Variants in LIG1 observed in about 807,000 individuals in gnomAD.
The protein encoded by LIG1 is ligase I, DNA, ATP-dependent.
LIG1 carries 70 observed loss-of-function variants against 115.7 expected under a neutral mutation model. The observed-to-expected ratio is 0.60, with a 90% CI of 0.50 to 0.74. The LOEUF (loss-of-function observed/expected upper bound fraction) is 0.74. Ranked by LOEUF, LIG1 falls within the 30% of genes least tolerant of loss-of-function variation. The probability of loss-of-function intolerance (pLI) is 0.00; values close to 1 mark genes in which losing one functional copy is unlikely to be tolerated. For synonymous variants in LIG1, 487 were observed against 495.3 expected (o/e 0.98, Z 0.22); for missense variants, 1,115 against 1,225.6 (o/e 0.91, Z 1.35).
At chr19:48,159,353 A>T (rs2036040147) in intron 4 of LIG1, among the ~76,000 whole-genome samples, 1 of 137,834 alleles carries the variant, frequency 7.3e-6, no homozygotes, top group Non-Finnish European at 1.5e-5. Flanking sequence ...TACAGGCGTG[A>T]GCCATCATGC....
chr19:48,135,430 C>A (rs3729520), intron 16 of LIG1, among the ~76,000 whole-genome samples: 1 of 152,090 alleles, frequency 6.6e-6, no homozygotes, highest in South Asian at 2.1e-4. Flanking sequence ...CCGCTGCCAG[C>A]GTCTTTCTAT....
chr19:48,138,459 G>GCACA (rs1402717056), intron 12 of LIG1, among the ~76,000 whole-genome samples: 2 of 152,248 alleles, frequency 1.3e-5, no homozygotes, highest in Non-Finnish European at 1.5e-5. Context: ...GCGGCACAGA[G>GCACA]CACATGAAGG....
At chr19:48,149,076 G>A (rs946196881) in intron 9 of LIG1, among the ~76,000 whole-genome samples, 2 of 152,184 alleles carry the variant, frequency 1.3e-5, no homozygotes, top group African/African-American at 4.8e-5. Flanking sequence ...TTGGGAGGCC[G>A]AGGTGGGTGG....
intron 19 of LIG1, among the ~76,000 whole-genome samples, chr19:48,129,051 C>T (rs149742907): frequency 0.014 from 2,066 of 150,552 alleles, 40 homozygotes; most frequent in African/African-American, 0.048. Flanking sequence ...TGAGCCACCA[C>T]GCCTGGCCTC....
chr19:48,169,088 T>A (rs545399862), intron 1 of LIG1, among the ~76,000 whole-genome samples: 5 of 152,296 alleles, frequency 3.3e-5, no homozygotes, highest in Non-Finnish European at 7.4e-5. Flanking sequence ...TCCAGGGCAT[T>A]GTGCAGAGTA....
chr19:48,165,408 T>C (rs866806155), intron 2 of LIG1, 142 bp downstream of exon 2: 1 of 749,578 alleles, frequency 1.3e-6, no homozygotes. Flanking sequence ...TCATTTTCCA[T>C]ACTACTTGAC....
At chr19:48,145,179 A>C (rs562395934) in intron 9 of LIG1, among the ~76,000 whole-genome samples, 8 of 152,248 alleles carry the variant, frequency 5.3e-5, no homozygotes, top group African/African-American at 1.9e-4. Flanking sequence ...GATTATAGGC[A>C]TGAGCCACTG....
rs2032936598 is a variant in LIG1 at position 48,117,564 on chromosome 19, C to A, written c.2583+74G>T. 4 of 1,498,814 alleles carry A rather than the reference C, an allele frequency of 2.7e-6. No individual in the cohort carries two copies. In the South Asian group the frequency reaches 4.7e-5, roughly 18 times the overall value. The allele number at this position is 1,498,814 out of a possible 1,614,324, so 92.8% of individuals were successfully genotyped here. A position where few individuals can be genotyped will look rare whatever the true frequency, so the allele number is the denominator to read the frequency against. ...GGAAGAGCAGATGTGAGCCAAGGTC[C>A]CCTCCCTACTCTGCTCTCTGTGTGC... On this transcript the variant is annotated intron_variant, in intron 26 of 27. Coordinates refer to ENST00000263274, the MANE Select transcript of LIG1 (RefSeq NM_000234.3).
chr19:48,136,070 G>C lies in LIG1; in HGVS notation c.1387C>G (p.Leu463Val), dbSNP rs939735617. Residue 463 changes from leucine (L) to valine (V), a missense_variant, in exon 15 of 28, where the codon CTC (leucine) becomes GTC (valine). Coordinates refer to ENST00000263274, the MANE Select transcript of LIG1 (RefSeq NM_000234.3). ...GLAEQSVLAA[L>V]SQAVSLTPPG... The stretch of plus-strand genomic sequence containing the variant: ...GGCGTGAGGCTCACTGCCTGGGAGA[G>C]GGCAGCCAGCACCGACTGCTCTGCC... 1 of 1,572,378 alleles carries C rather than the reference G, an allele frequency of 6.4e-7. No homozygotes were observed. The highest frequency in any genetic ancestry group is 8.6e-7 in the Non-Finnish European group (1 of 1,159,360).
At chr19:48,127,153 C>A in intron 21 of LIG1, 124 bp downstream of exon 21, 1 of 802,752 alleles carries the variant, frequency 1.2e-6, no homozygotes, top group Non-Finnish European at 2.2e-6. Flanking sequence ...AACTGCTGCC[C>A]AAGTGTGGCT....
chr19:48,116,717 C>T (rs758702706), intron 26 of LIG1, among the ~76,000 whole-genome samples: 1 of 152,208 alleles, frequency 6.6e-6, no homozygotes, highest in Non-Finnish European at 1.5e-5. Flanking sequence ...ATGAGTGACA[C>T]GCTGATGACC....
chr19:48,132,912 TCA>T, intron 18 of LIG1, 68 bp downstream of exon 18: 1 of 1,129,946 alleles, frequency 8.8e-7, no homozygotes. Flanking sequence ...AGCTCAGGCC[TCA>T]GTGACCCCAC....
In LIG1 at chr19:48,127,975, C is replaced by T. The variant is rs754908493; in HGVS notation, c.1867G>A (p.Val623Met). 12 of 1,614,022 alleles carry T rather than the reference C, an allele frequency of 7.4e-6. No individual in the cohort carries two copies. Among genetic ancestry groups the T allele is most frequent in the African/African-American group, 2.7e-5 (2 of 74,898 alleles). Residue 623 changes from valine (V) to methionine (M), a missense_variant, in exon 20 of 28, where the codon GTG becomes ATG. Val to Met is a conservative substitution (Grantham distance 21). Transcript: ENST00000263274. ...VTSFILDTEA[V>M]AWDREKKQIQ... ...TGCTTCTTTTCCCGGTCCCAAGCCACGGCTTCGGTGTCCAGGATGAAGGAT... is the reference window on the plus strand; with the variant it reads ...TGCTTCTTTTCCCGGTCCCAAGCCATGGCTTCGGTGTCCAGGATGAAGGAT...
intron 24 of LIG1, 101 bp downstream of exon 24, chr19:48,121,069 G>A: frequency 6.2e-7 from 1 of 1,601,042 alleles, no homozygotes; most frequent in Non-Finnish European, 8.5e-7. Context: ...TTCACAGGGG[G>A]ATGTGAGCAC....
At chr19:48,129,870 C>A (rs2033904772) in intron 19 of LIG1, among the ~76,000 whole-genome samples, 1 of 152,202 alleles carries the variant, frequency 6.6e-6, no homozygotes, top group African/African-American at 2.4e-5. Flanking sequence ...ATTCTCGTGC[C>A]TCAGCCTCCC....
intron 6 of LIG1, among the ~76,000 whole-genome samples, chr19:48,152,243 C>T (rs2035524917): frequency 2.0e-5 from 3 of 152,150 alleles, no homozygotes. Flanking sequence ...ATGCCTCAGC[C>T]TCCTGAGTAG....
At chr19:48,165,408 T>A (rs866806155) in intron 2 of LIG1, 142 bp downstream of exon 2, 12 of 749,696 alleles carry the variant, frequency 1.6e-5, no homozygotes, top group African/African-American at 1.5e-4. Context: ...TCATTTTCCA[T>A]ACTACTTGAC....
At chr19:48,143,161 G>C (rs543725289) in intron 11 of LIG1, among the ~76,000 whole-genome samples, 1 of 152,154 alleles carries the variant, frequency 6.6e-6, no homozygotes, top group Non-Finnish European at 1.5e-5. Flanking sequence ...GGGGGTCCTC[G>C]CTATAACTGA....
intron 24 of LIG1, 181 bp downstream of exon 24, chr19:48,120,989 T>C (rs572087910): frequency 7.3e-5 from 108 of 1,483,594 alleles, no homozygotes; most frequent in Non-Finnish European, 5.3e-6. Flanking sequence ...TCCCAGCCTG[T>C]TTTTCTATAT....
Sources: allele counts gnomAD v4.1 joint callset (sites outside exome capture counted in the v4.1 genomes callset), GRCh38; gene constraint gnomAD v4.1.1; transcripts MANE v1.5; gene names NCBI Gene and HGNC (gene_info 2026-07-23, HGNC 2026-07-21).